ABCC5: variants seen among roughly 807,000 people sequenced by gnomAD.
ABCC5 encodes the protein ATP binding cassette subfamily C member 5, also known as ATP-binding cassette sub-family C member 5.
Under a neutral mutation model 160.9 loss-of-function variants are expected in ABCC5, and 61 were observed. The observed-to-expected ratio is 0.38, with a 90% CI of 0.31 to 0.47. The LOEUF (loss-of-function observed/expected upper bound fraction) is 0.47, where lower values mean the gene tolerates loss of function less well. Among genes scored for constraint, ABCC5 ranks in the 20% least tolerant of loss-of-function variants. The pLI, the probability that ABCC5 is intolerant of heterozygous loss-of-function variation, is 0.99. For missense variants in ABCC5, 1,308 were observed against 1,813.3 expected, an observed-to-expected ratio of 0.72 and a Z score of 5.06; for synonymous variants, 666 against 700.6, an observed-to-expected ratio of 0.95 and a Z score of 0.78.
intron 5 of ABCC5, chr3:183,984,464 G>C (rs1478486777): frequency 9.6e-7 from 1 of 1,040,084 alleles, no homozygotes; most frequent in Non-Finnish European, 1.2e-6. Flanking sequence ...ACCACGGTCT[G>C]GAGGTAGCTA....
chr3:183,972,545 CA>C (rs1329855375), intron 10 of ABCC5, among the ~76,000 whole-genome samples: 1 of 152,198 alleles, frequency 6.6e-6, no homozygotes, highest in Non-Finnish European at 1.5e-5. Context: ...AACAGGCTTG[CA>C]TGGAAGTGAA....
chr3:183,927,838 A>C, intron 27 of ABCC5: 1 of 984,646 alleles, frequency 1.0e-6, no homozygotes, highest in Non-Finnish European at 1.2e-6. Flanking sequence ...CATTTTTTGT[A>C]AGCTGCAGAA....
intron 29 of ABCC5, 129 bp downstream of exon 29, chr3:183,925,426 G>C: frequency 1.1e-6 from 1 of 907,846 alleles, no homozygotes; most frequent in Non-Finnish European, 1.6e-6. Context: ...CCAATAGCAA[G>C]TAAATAGCGC....
intron 26 of ABCC5, among the ~76,000 whole-genome samples, chr3:183,932,465 TCTAA>T (rs1713267244): frequency 6.6e-6 from 1 of 152,188 alleles, no homozygotes. Flanking sequence ...AAGAGGCACG[TCTAA>T]CTGTTTTTTG....
chr3:183,956,338 A>G (rs1418231736), intron 17 of ABCC5, among the ~76,000 whole-genome samples: 12 of 151,134 alleles, frequency 7.9e-5, no homozygotes, highest in African/African-American at 2.9e-4. Flanking sequence ...GGTTACATGC[A>G]GATCCGTGTG....
chr3:183,946,967 C>T (rs377410484), intron 23 of ABCC5, among the ~76,000 whole-genome samples: 5 of 152,168 alleles, frequency 3.3e-5, no homozygotes, highest in African/African-American at 1.2e-4. Flanking sequence ...GAGTCTATAA[C>T]ATTTCTTAGA....
At chr3:183,933,929 T>C (rs1361231744) in intron 26 of ABCC5, among the ~76,000 whole-genome samples, 5 of 152,158 alleles carry the variant, frequency 3.3e-5, no homozygotes, top group Non-Finnish European at 7.4e-5. Flanking sequence ...TCAGAGTCTC[T>C]AGGAGGCAGC....
intron 17 of ABCC5, among the ~76,000 whole-genome samples, chr3:183,957,362 G>T (rs1468140284): frequency 1.8e-5 from 2 of 113,428 alleles, no homozygotes; most frequent in Admixed American, 9.5e-5. Context: ...GGTTACATGC[G>T]GGTCCGTGTG....
At chr3:183,957,204 A>G (rs1298716768) in intron 17 of ABCC5, among the ~76,000 whole-genome samples, 5 of 118,698 alleles carry the variant, frequency 4.2e-5, no homozygotes, top group Non-Finnish European at 5.6e-5. Flanking sequence ...TTACATGCTT[A>G]TCCGTGTGTA....
At chr3:184,001,309 T>A in intron 2 of ABCC5, 2 of 456,940 alleles carry the variant, frequency 4.4e-6, no homozygotes, top group Non-Finnish European at 7.9e-6. Context: ...TTTAACCCAA[T>A]GCAAAGTATT....
At chr3:183,994,794 T>C (rs1343678207) in intron 2 of ABCC5, among the ~76,000 whole-genome samples, 3 of 152,170 alleles carry the variant, frequency 2.0e-5, no homozygotes, top group Admixed American at 6.6e-5. Context: ...TGTGTACTTA[T>C]ATGTCACCCC....
intron 29 of ABCC5, among the ~76,000 whole-genome samples, chr3:183,922,280 G>A (rs1375908292): frequency 1.3e-5 from 2 of 152,232 alleles, no homozygotes; most frequent in African/African-American, 4.8e-5. Flanking sequence ...TCTGAGGCAG[G>A]AGAATCGCTG....
intron 23 of ABCC5, among the ~76,000 whole-genome samples, chr3:183,947,033 G>A (rs919777231): frequency 1.3e-5 from 2 of 152,156 alleles, no homozygotes; most frequent in African/African-American, 4.8e-5. Flanking sequence ...CCACAATTAA[G>A]AAACTATTTT....
rs766513969 is a variant in ABCC5 at position 183,988,769 on chromosome 3, C to G, written c.288-42G>C. 5 of 1,597,830 alleles carry G rather than the reference C, an allele frequency of 3.1e-6. No homozygotes were observed. On this transcript the variant is annotated intron_variant, in intron 3 of 29. Coordinates refer to ENST00000334444, the MANE Select transcript of ABCC5 (RefSeq NM_005688.4). This position sits in a 1 kb window ranked among gnomAD's most constrained non-coding sequence, Gnocchi z 4.4. ...GAAATCACAAAGCTATCAACACGCA[C>G]GGAGAGGGCAGCCCGTGTTTAATGG...
intron 12 of ABCC5, 118 bp from the exon 13 acceptor site, chr3:183,965,619 G>T: frequency 7.3e-7 from 1 of 1,373,552 alleles, no homozygotes; most frequent in South Asian, 1.3e-5. Flanking sequence ...ATGCTTTTTG[G>T]ACCCAAATCC....
chr3:183,998,354 A>C (rs1008730203), intron 2 of ABCC5, among the ~76,000 whole-genome samples: 1 of 152,210 alleles, frequency 6.6e-6, no homozygotes, highest in African/African-American at 2.4e-5. Flanking sequence ...AAATAAAGGA[A>C]GCTATAGCAA....
At chr3:183,998,912 C>T (rs956381577) in intron 2 of ABCC5, among the ~76,000 whole-genome samples, 40 of 151,698 alleles carry the variant, frequency 2.6e-4, no homozygotes, top group African/African-American at 8.0e-4. Context: ...CAATATGGTG[C>T]AACCTCATCT....
chr3:183,994,376 A>T (rs1576918080), intron 2 of ABCC5, among the ~76,000 whole-genome samples: 1 of 150,028 alleles, frequency 6.7e-6, no homozygotes, highest in African/African-American at 2.4e-5. Flanking sequence ...TGGTATTGGC[A>T]TTTTTTTTTT....
chr3:183,972,377 C>T (rs941169136), intron 10 of ABCC5, among the ~76,000 whole-genome samples: 3 of 152,152 alleles, frequency 2.0e-5, no homozygotes, highest in Non-Finnish European at 2.9e-5. Flanking sequence ...CTCACAGCGC[C>T]GCATGTATCT....
Sources: gnomAD v4.1 joint callset for allele counts (sites outside exome capture counted in the v4.1 genomes callset) on GRCh38, gnomAD v4.1.1 for gene constraint, Gnocchi (gnomAD v3.1) non-coding constraint, MANE v1.5 for transcripts, NCBI Gene and HGNC (gene_info 2026-07-23, HGNC 2026-07-21) for gene names.